Variants in SRC observed in about 807,000 individuals in gnomAD.
SRC encodes proto-oncogene tyrosine-protein kinase Src.
In SRC, 13 loss-of-function variants were observed where a neutral mutation model predicts 62.9. That is an observed-to-expected ratio of 0.21 (90% CI 0.13 to 0.33). The LOEUF (loss-of-function observed/expected upper bound fraction) is 0.33. SRC is among the 10% of genes least tolerant of loss of function. The probability of loss-of-function intolerance (pLI) is 1.00; values close to 1 mark genes in which losing one functional copy is unlikely to be tolerated. For synonymous variants in SRC, 302 were observed against 317.5 expected (o/e 0.95, Z 0.52); for missense variants, 457 against 737.3 (o/e 0.62, Z 4.40).
intron 7 of SRC, among the ~76,000 whole-genome samples, chr20:37,395,151 A>G (rs572012268): frequency 4.1e-4 from 62 of 152,336 alleles, no homozygotes; most frequent in South Asian, 1.0e-3. Flanking sequence ...ATGGTTGCCT[A>G]AGGCAGGCTT....
At chr20:37,375,714 G>A (rs1406497010) in intron 2 of SRC, among the ~76,000 whole-genome samples, 1 of 152,174 alleles carries the variant, frequency 6.6e-6, no homozygotes. Flanking sequence ...GTATCTTAGA[G>A]TGGGGTTAAC....
At chr20:37,362,823 G>A (rs1253626292) in intron 1 of SRC, among the ~76,000 whole-genome samples, 3 of 152,162 alleles carry the variant, frequency 2.0e-5, no homozygotes, top group African/African-American at 4.8e-5. Context: ...CCAGGGTGTG[G>A]GGGCTCGGAG....
In SRC at chr20:37,402,616, G is replaced by C; in HGVS notation, c.1270+28G>C. On this transcript the variant is annotated intron_variant, in intron 12 of 13. Coordinates refer to ENST00000373578, the MANE Select transcript of SRC (RefSeq NM_198291.3). The surrounding 1 kb of genome is among the most constrained non-coding windows in gnomAD (Gnocchi z 6.2). Reference sequence around the variant, plus strand: ...GGGCAGGGGCTGTGTGGTATGTCGCGCTTGGCCTGGGACAGGTCACGTCCC... The same window carrying C: ...GGGCAGGGGCTGTGTGGTATGTCGCCCTTGGCCTGGGACAGGTCACGTCCC... 2 of 1,596,220 alleles carry C rather than the reference G, an allele frequency of 1.3e-6. No homozygotes were observed. The highest frequency in any genetic ancestry group is 2.3e-5 in the South Asian group (2 of 88,734).
At chr20:37,370,193 C>T (rs2070140003) in intron 2 of SRC, among the ~76,000 whole-genome samples, 1 of 152,178 alleles carries the variant, frequency 6.6e-6, no homozygotes, top group African/African-American at 2.4e-5. Context: ...TTGTCAAATG[C>T]TTTTTTCTAC....
intron 2 of SRC, among the ~76,000 whole-genome samples, chr20:37,379,942 TAAAAAAAAAAAAAA>T (rs57772720): frequency 1.9e-5 from 1 of 51,468 alleles, no homozygotes; most frequent in African/African-American, 6.0e-5. Flanking sequence ...GAGCTTGGAG[TAAAAAAAAAAAAAA>T]AAAAAAAAAA....
rs2070810599 is a variant in SRC, at chr20:37,405,245, A to C, written c.*1866A>C. On this transcript the variant is annotated 3_prime_UTR_variant, in exon 14 of 14. Coordinates refer to ENST00000373578, the MANE Select transcript of SRC (RefSeq NM_198291.3). ...TAATACTGTCCTTTTTTTTTTTTTAACAGTGTTTTGTAGATTTCAGATGAC... is the reference window on the plus strand; with the variant it reads ...TAATACTGTCCTTTTTTTTTTTTTACCAGTGTTTTGTAGATTTCAGATGAC... 1 of 183,352 alleles carries C rather than the reference A, an allele frequency of 5.5e-6. No homozygotes were observed. Among genetic ancestry groups the C allele is most frequent in the Non-Finnish European group, 1.1e-5 (1 of 92,790 alleles). The allele number at this position is 183,352 out of a possible 1,614,324, so 11.4% of individuals were successfully genotyped here.
chr20:37,384,443 G>A lies in SRC; in HGVS notation c.250+40G>A, dbSNP rs1466176435. 3.1e-6 allele frequency: 4 copies of A among 1,305,896 alleles called. No homozygotes were observed. The highest frequency in any genetic ancestry group is 3.9e-6 in the Non-Finnish European group (4 of 1,035,006). The allele number at this position is 1,305,896 out of a possible 1,614,324, so 80.9% of individuals were successfully genotyped here. On this transcript the variant is annotated intron_variant, in intron 4 of 13. Transcript: ENST00000373578. This position sits in a 1 kb window ranked among gnomAD's most constrained non-coding sequence, Gnocchi z 6.7. Reference sequence around the variant, plus strand: ...GGCGCGGGGTCCTCGCCCACCTGGGGCCACGGCGGGGAGGCGGCGGGGCTG... The same window carrying A: ...GGCGCGGGGTCCTCGCCCACCTGGGACCACGGCGGGGAGGCGGCGGGGCTG...
In SRC at chr20:37,404,163, G is replaced by C; in HGVS notation, c.*784G>C. ...CATCCTCAGGAACCAACAATTCGTCGGAGGCATCATGGAAAGACTGGGACA... is the reference window on the plus strand; with the variant it reads ...CATCCTCAGGAACCAACAATTCGTCCGAGGCATCATGGAAAGACTGGGACA... On this transcript the variant is annotated 3_prime_UTR_variant, in exon 14 of 14. Coordinates refer to ENST00000373578, the MANE Select transcript of SRC (RefSeq NM_198291.3). 1 of 233,720 alleles carries C rather than the reference G, an allele frequency of 4.3e-6. No individual in the cohort carries two copies. The highest frequency in any genetic ancestry group is 8.5e-6 in the Non-Finnish European group (1 of 118,092). 14.5% of individuals were successfully genotyped at this position (233,720 alleles called of 1,614,324 possible).
intron 2 of SRC, among the ~76,000 whole-genome samples, chr20:37,375,557 T>TA (rs1600985004): frequency 6.6e-6 from 1 of 152,130 alleles, no homozygotes; most frequent in East Asian, 1.9e-4. Flanking sequence ...TGTTTTTTTT[T>TA]AGAGATGGTG....
At chr20:37,392,976 G>A (rs2070576893) in intron 5 of SRC, among the ~76,000 whole-genome samples, 2 of 151,972 alleles carry the variant, frequency 1.3e-5, no homozygotes, top group African/African-American at 4.8e-5. Context: ...CTGGACCCCC[G>A]CTCCAGCCAG....
chr20:37,378,462 T>C (rs192151152), intron 2 of SRC, among the ~76,000 whole-genome samples: 24 of 152,350 alleles, frequency 1.6e-4, no homozygotes, highest in Non-Finnish European at 2.9e-4. Flanking sequence ...AACCCTATTA[T>C]GTGGGTAGCA....
rs562767025 is a variant in SRC, at chr20:37,350,434, A to G, written c.-247+4179A>G. On this transcript the variant is annotated intron_variant, in intron 1 of 13. Transcript: ENST00000373578. ...GCTGTGAAATGGGCCTAGGGCTTGT[A>G]CCTGGTAAGGCTAACAAGAGGATGG... Among the ~76,000 whole-genome samples, 114 of 152,284 alleles carry G rather than the reference A, an allele frequency of 7.5e-4. No homozygotes were observed. The Middle Eastern group carries it at 0.017, about 23-fold the overall frequency.
At chr20:37,386,213 G>A in intron 5 of SRC, 39 bp downstream of exon 5, 1 of 1,590,184 alleles carries the variant, frequency 6.3e-7, no homozygotes, top group Non-Finnish European at 8.6e-7. Flanking sequence ...AGGGCTGGGT[G>A]GTGGGACTTC....
In SRC at chr20:37,405,529, G is replaced by A. The variant is rs2070816407; in HGVS notation, c.*2150G>A. The A allele has an allele frequency of 5.6e-6, 1 of 178,722 alleles. No individual in the cohort carries two copies. Among genetic ancestry groups the A allele is most frequent in the Admixed American group, 6.3e-5 (1 of 15,814 alleles). 11.1% of individuals were successfully genotyped at this position (178,722 alleles called of 1,614,324 possible). ...CTTTGGGCAGCACTAGTAGCTGGAGGGCTTCAGGCCAAGGCAGGGGTGACA... is the reference window on the plus strand; with the variant it reads ...CTTTGGGCAGCACTAGTAGCTGGAGAGCTTCAGGCCAAGGCAGGGGTGACA... On this transcript the variant is annotated 3_prime_UTR_variant, in exon 14 of 14. Coordinates refer to ENST00000373578, the MANE Select transcript of SRC (RefSeq NM_198291.3).
intron 5 of SRC, chr20:37,386,575 T>A: frequency 1.4e-6 from 1 of 689,890 alleles, no homozygotes; most frequent in South Asian, 1.5e-5. Context: ...CTGTGATCTC[T>A]GGCTCTCTTG....
intron 1 of SRC, among the ~76,000 whole-genome samples, chr20:37,358,619 G>C (rs1225114718): frequency 6.6e-6 from 1 of 152,226 alleles, no homozygotes; most frequent in Non-Finnish European, 1.5e-5. Context: ...ATTGGGAAGG[G>C]ATCCAGTCCC....
chr20:37,346,661 G>A (rs1388188684), intron 1 of SRC, among the ~76,000 whole-genome samples: 5 of 149,800 alleles, frequency 3.3e-5, no homozygotes, highest in Non-Finnish European at 4.5e-5. Context: ...GCGCCCCCCG[G>A]CCCCGGGTGG....
Position 37,384,805 on chromosome 20 carries a change from A to G in SRC, c.250+402A>G, listed in dbSNP as rs1433466573. ...GAGGGGCAGCTGGGTCGCTCGGGGA[A>G]CGGGGCACCGGATGGCCCCGGTTGG... On this transcript the variant is annotated intron_variant, in intron 4 of 13. Coordinates refer to ENST00000373578, the MANE Select transcript of SRC (RefSeq NM_198291.3). The surrounding 1 kb of genome is among the most constrained non-coding windows in gnomAD (Gnocchi z 6.7). Among the ~76,000 whole-genome samples the G allele has an allele frequency of 6.6e-6, 1 of 152,068 alleles. No individual in the cohort carries two copies. The highest frequency in any genetic ancestry group is 2.4e-5 in the African/African-American group (1 of 41,402).
At chr20:37,385,415 A>G (rs1315734478) in intron 4 of SRC, among the ~76,000 whole-genome samples, 1 of 152,112 alleles carries the variant, frequency 6.6e-6, no homozygotes, top group East Asian at 1.9e-4. Context: ...CCAGCGGTGC[A>G]GACAGAACCC....
Sources: gnomAD v4.1 joint callset for allele counts (sites outside exome capture counted in the v4.1 genomes callset) on GRCh38, gnomAD v4.1.1 for gene constraint, Gnocchi (gnomAD v3.1) non-coding constraint, MANE v1.5 for transcripts, NCBI Gene and HGNC (gene_info 2026-07-23, HGNC 2026-07-21) for gene names.